Variants in DBT observed in about 807,000 individuals in gnomAD.
DBT encodes the protein dihydrolipoamide branched chain transacylase E2, also known as lipoamide acyltransferase component of branched-chain alpha-keto acid dehydrogenase complex, mitochondrial.
DBT carries 40 observed loss-of-function variants against 51.3 expected under a neutral mutation model. That is an observed-to-expected ratio of 0.78 (90% CI 0.61 to 1.02). DBT has a LOEUF of 1.02. Ranked by LOEUF, DBT falls within the 50% of genes least tolerant of loss-of-function variation. DBT has a pLI of 0.00. For missense variants in DBT, 510 were observed against 580.2 expected (o/e 0.88, Z 1.24); for synonymous variants, 181 against 190.4 (o/e 0.95, Z 0.41).
At position 100,196,022 on chromosome 1, in the gene DBT, T is replaced by C. The variant is rs915189240; in HGVS notation, c.*233A>G. On this transcript the variant is annotated 3_prime_UTR_variant, in exon 11 of 11. Transcript: ENST00000370132. ...TGACACAAAAACATCAGCACCATAT[T>C]AAGAAGTCACACTCTGACCTATAAA... The C allele has an allele frequency of 3.5e-6, 2 of 564,094 alleles. No homozygotes were observed. Among genetic ancestry groups the C allele is most frequent in the Non-Finnish European group, 3.2e-6 (1 of 317,450 alleles). 34.9% of individuals were successfully genotyped at this position (564,094 alleles called of 1,614,324 possible).
intron 7 of DBT, among the ~76,000 whole-genome samples, 173 bp downstream of exon 7, chr1:100,214,644 C>A (rs1287154018): frequency 6.6e-6 from 1 of 152,190 alleles, no homozygotes; most frequent in Non-Finnish European, 1.5e-5. Context: ...TTCCCAGCTA[C>A]TCAGGAGGCT....
intron 3 of DBT, 116 bp downstream of exon 3, chr1:100,235,320 A>G (rs1663804372): frequency 3.3e-6 from 2 of 613,132 alleles, no homozygotes; most frequent in South Asian, 4.0e-5. Context: ...GTTTATAAAG[A>G]CGTTTCTCAA....
chr1:100,203,867 T>C (rs1284359170), intron 10 of DBT, among the ~76,000 whole-genome samples: 3 of 152,206 alleles, frequency 2.0e-5, no homozygotes, highest in Non-Finnish European at 2.9e-5. Context: ...ATTATCTCAA[T>C]TGATGCAGAA....
rs951086952 is a variant in DBT, at chr1:100,192,742, T to C, written c.*3513A>G. On this transcript the variant is annotated 3_prime_UTR_variant, in exon 11 of 11. Coordinates refer to ENST00000370132, the MANE Select transcript of DBT (RefSeq NM_001918.5). ...CCAATTTTAGCTTCCATCCTCAGAC[T>C]TCCTTTCCTGTTGTACTTCCTTTTC... is the stretch of plus-strand genomic sequence containing the variant. 6.6e-6 allele frequency: 1 copy of C among 152,258 alleles called. No individual in the cohort carries two copies. Among genetic ancestry groups the C allele is most frequent in the East Asian group, 1.9e-4 (1 of 5,200 alleles). 9.4% of individuals were successfully genotyped at this position (152,258 alleles called of 1,614,324 possible).
At position 100,196,336 on chromosome 1, in the gene DBT, A is replaced by G. The variant is rs751341500; in HGVS notation, c.1368T>C (p.Asp456=). 1.2e-6 allele frequency: 2 copies of G among 1,611,988 alleles called. No individual in the cohort carries two copies. Among genetic ancestry groups the G allele is most frequent in the South Asian group, 1.1e-5 (1 of 91,008 alleles). ...VSWSADHRVI[D]GATMSRFSNL... ...TGGAGAAGCGTGACATTGTAGCACCATCAATAACTCTGTGATCAGCTGACC... is the reference window on the plus strand; with the variant it reads ...TGGAGAAGCGTGACATTGTAGCACCGTCAATAACTCTGTGATCAGCTGACC... Residue 456 remains aspartate (D), a synonymous_variant, in exon 11 of 11, where the codon GAT becomes GAC. Coordinates refer to ENST00000370132, the MANE Select transcript of DBT (RefSeq NM_001918.5).
chr1:100,206,309 TTA>T lies in DBT; in HGVS notation c.1210-10_1210-9del, dbSNP rs794726986. Reference sequence around the variant, plus strand: ...GGCAAAGGTACCACCAATCTATTTTTTAAAAAAAAAAAAAGGAGAGTATTAAA... The same window carrying T: ...GGCAAAGGTACCACCAATCTATTTTTAAAAAAAAAAAAGGAGAGTATTAAA... On this transcript the variant is annotated splice_polypyrimidine_tract_variant and intron_variant, in intron 9 of 10. Coordinates refer to ENST00000370132, the MANE Select transcript of DBT (RefSeq NM_001918.5). 2.3e-4 allele frequency: 326 copies of T among 1,446,554 alleles called. No individual in the cohort carries two copies. The highest frequency in any genetic ancestry group is 4.2e-4 in the Admixed American group (23 of 54,240). The allele number at this position is 1,446,554 out of a possible 1,614,324, so 89.6% of individuals were successfully genotyped here. A position where few individuals can be genotyped will look rare whatever the true frequency, so the allele number is the denominator to read the frequency against.
At chr1:100,242,477 A>G (rs1257585583) in intron 1 of DBT, among the ~76,000 whole-genome samples, 4 of 152,174 alleles carry the variant, frequency 2.6e-5, no homozygotes, top group Non-Finnish European at 4.4e-5. Flanking sequence ...AAACATAAAT[A>G]ATCTTAAATC....
At chr1:100,247,030 T>C (rs1038638339) in intron 1 of DBT, among the ~76,000 whole-genome samples, 7 of 152,132 alleles carry the variant, frequency 4.6e-5, no homozygotes, top group African/African-American at 1.7e-4. Flanking sequence ...TGCAAATAAC[T>C]CAAGTTGTTC....
intron 10 of DBT, among the ~76,000 whole-genome samples, chr1:100,203,254 A>T (rs1557942563): frequency 6.6e-6 from 1 of 152,226 alleles, no homozygotes. Context: ...ACAATAAAAA[A>T]TGATAAAGGG....
Position 100,230,727 on chromosome 1 carries a change from C to T in DBT, c.433+6G>A, listed in dbSNP as rs774333047. 1.9e-6 allele frequency: 3 copies of T among 1,588,978 alleles called. No individual in the cohort carries two copies. The highest frequency in any genetic ancestry group is 3.4e-5 in the Admixed American group (2 of 59,634). ...TTGGTAAAATAGATTAACAGACTTA[C>T]AATACCTTTTAAAGCTTCCGTTTCT... On this transcript the variant is annotated splice_donor_region_variant and intron_variant, in intron 4 of 10. Transcript: ENST00000370132.
At position 100,190,787 on chromosome 1, in the gene DBT, A is replaced by T. The variant is rs1192475088; in HGVS notation, c.*5468T>A. On this transcript the variant is annotated 3_prime_UTR_variant, in exon 11 of 11. Coordinates refer to ENST00000370132, the MANE Select transcript of DBT (RefSeq NM_001918.5). ...AGAGAAATTCAAGGTTCTTAGATTG[A>T]ATCACTTTGTCTGCTCTGAGGTTAT... The T allele has an allele frequency of 6.6e-6, 1 of 152,242 alleles. No individual in the cohort carries two copies. The highest frequency in any genetic ancestry group is 1.9e-4 in the East Asian group (1 of 5,206). The allele number at this position is 152,242 out of a possible 1,614,324, so 9.4% of individuals were successfully genotyped here. A position where few individuals can be genotyped will look rare whatever the true frequency, so the allele number is the denominator to read the frequency against.
intron 3 of DBT, among the ~76,000 whole-genome samples, chr1:100,234,748 C>T (rs1327481364): frequency 6.6e-6 from 1 of 152,086 alleles, no homozygotes; most frequent in Non-Finnish European, 1.5e-5. Context: ...AGAGACATAA[C>T]CATAAGGTAT....
intron 3 of DBT, among the ~76,000 whole-genome samples, chr1:100,234,473 CAA>C (rs554699734): frequency 1.7e-4 from 21 of 120,012 alleles, no homozygotes; most frequent in Middle Eastern, 4.2e-3. Flanking sequence ...TCATCTCTAC[CAA>C]AAAAAAAAAA....
At position 100,187,837 on chromosome 1, in the gene DBT, G is replaced by A. The variant is rs1166049798; in HGVS notation, c.*8418C>T. ...TATTTTATGGAATGTTTAATATCTT[G>A]TAAATGTGGAAGCTGTGACAAATTT... is the stretch of plus-strand genomic sequence containing the variant. On this transcript the variant is annotated 3_prime_UTR_variant, in exon 11 of 11. Coordinates refer to ENST00000370132, the MANE Select transcript of DBT (RefSeq NM_001918.5). 1.3e-5 allele frequency: 2 copies of A among 151,014 alleles called. No homozygotes were observed. Among genetic ancestry groups the A allele is most frequent in the Non-Finnish European group, 2.9e-5 (2 of 67,972 alleles). The allele number at this position is 151,014 out of a possible 1,614,324, so 9.4% of individuals were successfully genotyped here.
chr1:100,226,336 T>G (rs1272840759), intron 4 of DBT, among the ~76,000 whole-genome samples: 1 of 145,770 alleles, frequency 6.9e-6, no homozygotes. Flanking sequence ...CAGGCTAGAG[T>G]GCAGTGGCAT....
At chr1:100,214,201 T>C (rs1015594213) in intron 7 of DBT, among the ~76,000 whole-genome samples, 1 of 152,182 alleles carries the variant, frequency 6.6e-6, no homozygotes, top group African/African-American at 2.4e-5. Flanking sequence ...GCAAAATTAA[T>C]ATCAAGTCTC....
Position 100,206,752 on chromosome 1 carries a change from G to GT in DBT, c.1018-117dup, listed in dbSNP as rs1661816874. The GT allele has an allele frequency of 4.1e-6, 3 of 733,680 alleles. No individual in the cohort carries two copies. The Admixed American group carries it at 6.2e-5, about 15-fold the overall frequency. 45.4% of individuals were successfully genotyped at this position (733,680 alleles called of 1,614,324 possible). A position where few individuals can be genotyped will look rare whatever the true frequency, so the allele number is the denominator to read the frequency against. On this transcript the variant is annotated intron_variant, in intron 8 of 10. Transcript: ENST00000370132. ...ACCAAAACTCATTTTTACCAGATTG[G>GT]TAGTGATTTAAAAGAAATAATTTAA...
intron 7 of DBT, chr1:100,213,683 G>T: frequency 6.2e-7 from 1 of 1,608,148 alleles, no homozygotes; most frequent in East Asian, 2.2e-5. Context: ...GGAACACCAG[G>T]CTCGGCCTTT....
intron 8 of DBT, among the ~76,000 whole-genome samples, chr1:100,209,724 G>C (rs1457168699): frequency 6.6e-6 from 1 of 151,990 alleles, no homozygotes; most frequent in Non-Finnish European, 1.5e-5. Context: ...ACCACGGCTG[G>C]CTAATTTTTG....
Sources: allele counts gnomAD v4.1 joint callset (sites outside exome capture counted in the v4.1 genomes callset), GRCh38; gene constraint gnomAD v4.1.1; transcripts MANE v1.5; gene names NCBI Gene and HGNC (gene_info 2026-07-23, HGNC 2026-07-21).